PPARGC1A: variants seen among roughly 807,000 people sequenced by gnomAD.
PPARGC1A encodes peroxisome proliferator-activated receptor gamma coactivator 1-alpha.
In PPARGC1A, 25 loss-of-function variants were observed where a neutral mutation model predicts 88.7. The ratio of observed to expected loss-of-function variants is 0.28; its 90% CI spans 0.21 to 0.39. The LOEUF (loss-of-function observed/expected upper bound fraction) is 0.39, where lower values mean the gene tolerates loss of function less well. Ranked by LOEUF, PPARGC1A falls within the 10% of genes least tolerant of loss-of-function variation. The pLI is 1.00. For missense variants in PPARGC1A, 880 were observed against 968.7 expected (o/e 0.91, Z 1.22); for synonymous variants, 363 against 355.6 (o/e 1.02, Z -0.24).
the PPARGC1A span, among the ~76,000 whole-genome samples, chr4:24,255,202 TG>T: frequency 6.6e-6 from 1 of 152,230 alleles, no homozygotes. Context: ...CTTGTTCATT[TG>T]CTTAATAAGG....
At chr4:23,819,681 C>G (rs1393486938) in intron 7 of PPARGC1A, among the ~76,000 whole-genome samples, 2 of 152,076 alleles carry the variant, frequency 1.3e-5, no homozygotes, top group East Asian at 1.9e-4. Flanking sequence ...ATTATAGACA[C>G]TGGGTCAAAA....
At chr4:24,076,282 AG>A in the PPARGC1A span, among the ~76,000 whole-genome samples, 1 of 152,168 alleles carries the variant, frequency 6.6e-6, no homozygotes, top group Non-Finnish European at 1.5e-5. Flanking sequence ...TAGATGAAGC[AG>A]CTTGCCCAAG....
chr4:24,101,178 T>A, the PPARGC1A span, among the ~76,000 whole-genome samples: 1 of 152,196 alleles, frequency 6.6e-6, no homozygotes, highest in East Asian at 1.9e-4. Context: ...ACCATCCCCC[T>A]AGTGCTGTCT....
chr4:24,334,940 G>T, the PPARGC1A span, among the ~76,000 whole-genome samples: 3 of 152,120 alleles, frequency 2.0e-5, no homozygotes, highest in Non-Finnish European at 4.4e-5. Context: ...TGAACACATC[G>T]AGGCAAGACT....
At chr4:24,264,405 T>C in the PPARGC1A span, among the ~76,000 whole-genome samples, 2,009 of 152,222 alleles carry the variant, frequency 0.013, 60 homozygotes, top group East Asian at 0.13. Context: ...GACCAGTGAA[T>C]GCCACCAAGG....
chr4:24,319,075 G>T, the PPARGC1A span, among the ~76,000 whole-genome samples: 1 of 152,164 alleles, frequency 6.6e-6, no homozygotes, highest in Non-Finnish European at 1.5e-5. Flanking sequence ...GGCTGAGTGC[G>T]GTGGCTTACG....
At chr4:24,463,651 T>C in the PPARGC1A span, among the ~76,000 whole-genome samples, 1 of 152,218 alleles carries the variant, frequency 6.6e-6, no homozygotes, top group Admixed American at 6.5e-5. Context: ...CTGGGCAGGA[T>C]GAGGATCTAG....
chr4:23,802,878 C>T (rs182459377), intron 10 of PPARGC1A, among the ~76,000 whole-genome samples: 63 of 152,158 alleles, frequency 4.1e-4, no homozygotes, highest in African/African-American at 1.5e-3. Flanking sequence ...TTCTCTTCAC[C>T]TCTACTCTTT....
the PPARGC1A span, among the ~76,000 whole-genome samples, chr4:24,393,424 A>G: frequency 6.6e-6 from 1 of 152,354 alleles, no homozygotes; most frequent in Non-Finnish European, 1.5e-5. Context: ...GCATATGAAT[A>G]TAGCCCTGTG....
At chr4:24,310,832 C>T in the PPARGC1A span, among the ~76,000 whole-genome samples, 2 of 152,070 alleles carry the variant, frequency 1.3e-5, no homozygotes, top group African/African-American at 4.8e-5. Context: ...AGAAGTGTGA[C>T]CTAGTATTAA....
chr4:24,313,091 C>A, the PPARGC1A span, among the ~76,000 whole-genome samples: 2 of 151,922 alleles, frequency 1.3e-5, no homozygotes, highest in African/African-American at 4.8e-5. Context: ...AAACAAACAG[C>A]GAATGATAAC....
the PPARGC1A span, among the ~76,000 whole-genome samples, chr4:23,984,537 T>C: frequency 6.6e-6 from 1 of 152,106 alleles, no homozygotes; most frequent in Non-Finnish European, 1.5e-5. Context: ...AAAACTAGTC[T>C]ATAAAAGAAA....
At chr4:23,841,373 T>C (rs1487355358) in intron 2 of PPARGC1A, among the ~76,000 whole-genome samples, 1 of 152,162 alleles carries the variant, frequency 6.6e-6, no homozygotes, top group Admixed American at 6.5e-5. Context: ...TTTTAAACTA[T>C]GTTTCATAGA....
At chr4:24,445,621 T>A in the PPARGC1A span, among the ~76,000 whole-genome samples, 2 of 152,170 alleles carry the variant, frequency 1.3e-5, no homozygotes, top group Non-Finnish European at 2.9e-5. Context: ...CAAGATCACA[T>A]CTGTAGCTCC....
At chr4:24,396,239 C>G in the PPARGC1A span, among the ~76,000 whole-genome samples, 1 of 152,168 alleles carries the variant, frequency 6.6e-6, no homozygotes, top group Non-Finnish European at 1.5e-5. Flanking sequence ...ACCCTTAGAG[C>G]AAGTGCAGGA....
chr4:24,431,124 C>CAA, the PPARGC1A span, among the ~76,000 whole-genome samples: 8 of 72,496 alleles, frequency 1.1e-4, no homozygotes, highest in East Asian at 1.5e-3. Flanking sequence ...GACTCCATCT[C>CAA]AAAAAAAAAA....
At chr4:24,276,982 A>G in the PPARGC1A span, among the ~76,000 whole-genome samples, 1 of 152,202 alleles carries the variant, frequency 6.6e-6, no homozygotes, top group Non-Finnish European at 1.5e-5. Flanking sequence ...GACCGCCCTC[A>G]AATTCAGGCT....
At chr4:24,287,634 G>GCGCA in the PPARGC1A span, among the ~76,000 whole-genome samples, 2 of 142,052 alleles carry the variant, frequency 1.4e-5, no homozygotes, top group Admixed American at 7.0e-5. Flanking sequence ...AACACCACAT[G>GCGCA]CACACACACA....
the PPARGC1A span, among the ~76,000 whole-genome samples, chr4:24,406,861 C>G: frequency 2.0e-5 from 3 of 152,198 alleles, no homozygotes; most frequent in African/African-American, 7.2e-5. Flanking sequence ...AAATAGCTCT[C>G]AGAGAGGCCA....
Sources: allele counts gnomAD v4.1 joint callset (sites outside exome capture counted in the v4.1 genomes callset), GRCh38; gene constraint gnomAD v4.1.1; transcripts MANE v1.5; gene names NCBI Gene and HGNC (gene_info 2026-07-23, HGNC 2026-07-21).